Variants in CORO1C observed in about 807,000 individuals in gnomAD.
CORO1C encodes coronin-1C.
In CORO1C, 14 loss-of-function variants were observed where a neutral mutation model predicts 51.2. The ratio of observed to expected loss-of-function variants is 0.27; its 90% confidence interval spans 0.18 to 0.43. The LOEUF (loss-of-function observed/expected upper bound fraction) is 0.43, where lower values mean the gene tolerates loss of function less well. CORO1C is among the 20% of genes least tolerant of loss of function. The probability of loss-of-function intolerance (pLI) is 1.00; values close to 1 mark genes in which losing one functional copy is unlikely to be tolerated. For synonymous variants in CORO1C, 181 were observed against 210.5 expected, an observed-to-expected ratio of 0.86 and a Z score of 1.21; for missense variants, 417 against 607.8, an observed-to-expected ratio of 0.69 and a Z score of 3.30.
intron 2 of CORO1C, among the ~76,000 whole-genome samples, chr12:108,680,152 T>C (rs2034072288): frequency 6.6e-6 from 1 of 152,212 alleles, no homozygotes; most frequent in Non-Finnish European, 1.5e-5. Flanking sequence ...TGGCTAAATG[T>C]GGAGCCCAGT....
At chr12:108,654,647 A>G (rs1200567496) in intron 6 of CORO1C, among the ~76,000 whole-genome samples, 1 of 151,990 alleles carries the variant, frequency 6.6e-6, no homozygotes, top group Non-Finnish European at 1.5e-5. Context: ...CGCATACATC[A>G]GCGTGATTTC....
chr12:108,666,017 G>T (rs534371951), intron 3 of CORO1C, among the ~76,000 whole-genome samples: 26 of 152,346 alleles, frequency 1.7e-4, no homozygotes, highest in African/African-American at 6.3e-4. Flanking sequence ...ATGCTATGCT[G>T]GCATAAGCCG....
At chr12:108,676,345 G>A (rs1165575272) in intron 3 of CORO1C, among the ~76,000 whole-genome samples, 1 of 152,118 alleles carries the variant, frequency 6.6e-6, no homozygotes, top group African/African-American at 2.4e-5. Context: ...TAACTATTTG[G>A]TGTGTTTTTC....
chr12:108,700,057 A>T (rs1391771977), intron 2 of CORO1C, among the ~76,000 whole-genome samples: 1 of 152,188 alleles, frequency 6.6e-6, no homozygotes, highest in African/African-American at 2.4e-5. Context: ...ATGGGAAACA[A>T]CCCTCTGACA....
At chr12:108,681,154 C>T (rs1272912067) in intron 2 of CORO1C, among the ~76,000 whole-genome samples, 1 of 152,162 alleles carries the variant, frequency 6.6e-6, no homozygotes, top group Non-Finnish European at 1.5e-5. Flanking sequence ...GTGTGTGCCA[C>T]CATGCGTGGC....
At chr12:108,689,717 T>G (rs1156732007) in intron 2 of CORO1C, among the ~76,000 whole-genome samples, 1 of 152,232 alleles carries the variant, frequency 6.6e-6, no homozygotes, top group East Asian at 1.9e-4. Flanking sequence ...GTTAAAAGAT[T>G]TCCACATTGT....
At position 108,701,228 on chromosome 12, in the gene CORO1C, G is replaced by A. The variant is rs1592926914; in HGVS notation, c.91C>T (p.Arg31Cys). Residue 31 changes from arginine (R) to cysteine (C), a missense_variant, in exon 2 of 11, where the codon CGT becomes TGT. Arg to Cys is a radical substitution (Grantham distance 180, BLOSUM62 -3). Transcript: ENST00000261401. The part of the protein sequence containing the change: ...DQCYDDIRVS[R>C]VTWDSSFCAV... The stretch of plus-strand genomic sequence containing the variant: ...CAAAAGGAACTATCCCAGGTCACAC[G>A]AGAAACCCGGATGTCATCATAGCAC... 4 of 1,614,150 alleles carry A rather than the reference G, an allele frequency of 2.5e-6. No homozygotes were observed. Among genetic ancestry groups the A allele is most frequent in the Non-Finnish European group, 2.5e-6 (3 of 1,180,032 alleles).
intron 1 of CORO1C, among the ~76,000 whole-genome samples, chr12:108,717,754 G>A (rs1440215990): frequency 6.6e-6 from 1 of 152,158 alleles, no homozygotes. Context: ...CTGTTGACAA[G>A]TAAGGTATCT....
chr12:108,687,153 T>C (rs1333527325), intron 2 of CORO1C, among the ~76,000 whole-genome samples: 1 of 152,244 alleles, frequency 6.6e-6, no homozygotes, highest in Non-Finnish European at 1.5e-5. Context: ...ATGGGCATTT[T>C]GCGGGGAGAA....
intron 2 of CORO1C, among the ~76,000 whole-genome samples, chr12:108,695,500 A>C (rs778937920): frequency 1.1e-4 from 16 of 152,206 alleles, no homozygotes; most frequent in Non-Finnish European, 2.2e-4. Context: ...TAAGTGAATA[A>C]TAATTTTAAT....
intron 1 of CORO1C, among the ~76,000 whole-genome samples, chr12:108,724,326 T>G (rs2035539195): frequency 1.3e-5 from 2 of 152,206 alleles, no homozygotes; most frequent in South Asian, 4.1e-4. Flanking sequence ...AGGTTCACAT[T>G]GTTAAATAAA....
At chr12:108,706,773 A>G (rs1264226609) in intron 1 of CORO1C, among the ~76,000 whole-genome samples, 1 of 152,116 alleles carries the variant, frequency 6.6e-6, no homozygotes, top group Non-Finnish European at 1.5e-5. Context: ...TAGCAGAGAC[A>G]GGGTTTCACT....
chr12:108,703,825 C>T (rs2034949412), intron 1 of CORO1C, among the ~76,000 whole-genome samples: 1 of 152,196 alleles, frequency 6.6e-6, no homozygotes, highest in Non-Finnish European at 1.5e-5. Flanking sequence ...CACTGACAGC[C>T]TGGTTCTATA....
chr12:108,692,861 T>G (rs10861963), intron 2 of CORO1C, among the ~76,000 whole-genome samples: 90,109 of 147,030 alleles, frequency 0.61, 28,250 homozygotes, highest in East Asian at 0.99. Context: ...GCAATGGTGC[T>G]ATCTCAGCTC....
intron 1 of CORO1C, among the ~76,000 whole-genome samples, chr12:108,710,618 GC>G (rs1178638382): frequency 6.6e-6 from 1 of 150,476 alleles, no homozygotes; most frequent in Non-Finnish European, 1.5e-5. Context: ...AGGCTGGAGT[GC>G]AGTGGCACAA....
chr12:108,651,180 T>C (rs2032633326), intron 8 of CORO1C, among the ~76,000 whole-genome samples: 1 of 152,242 alleles, frequency 6.6e-6, no homozygotes, highest in Non-Finnish European at 1.5e-5. Context: ...CTTCCTTTTA[T>C]TTGGAAGACG....
chr12:108,721,362 G>A (rs557703374), intron 1 of CORO1C, among the ~76,000 whole-genome samples: 2 of 152,170 alleles, frequency 1.3e-5, no homozygotes, highest in African/African-American at 4.8e-5. Flanking sequence ...ACACCCTCAG[G>A]CAGGATCTCA....
chr12:108,726,494 C>T (rs943186980), intron 1 of CORO1C, among the ~76,000 whole-genome samples: 1 of 151,398 alleles, frequency 6.6e-6, no homozygotes, highest in Admixed American at 6.6e-5. Flanking sequence ...GTCAGACACC[C>T]CAAGAGAGGA....
rs763324140 is a variant in CORO1C at position 108,678,307 on chromosome 12, C to T, written c.283G>A (p.Val95Ile). 10 of 1,613,456 alleles carry T rather than the reference C, an allele frequency of 6.2e-6. No individual in the cohort carries two copies. The African/African-American group carries it at 9.3e-5, about 15-fold the overall frequency. ...CAGTCCTCTGAACCGCTGGCAATGA[C>T]CTGATCGTTATGTGGGCACCAGTCT... ...DIDWCPHNDQVIASGSEDCTV... is the reference protein window; with the variant it reads ...DIDWCPHNDQIIASGSEDCTV... The change falls in exon 3 of 11, where the codon GTC becomes ATC. Residue 95 changes from valine (V) to isoleucine (I), a missense_variant. Physicochemically the swap from Val to Ile is conservative, Grantham distance 29. Coordinates refer to ENST00000261401, the MANE Select transcript of CORO1C (RefSeq NM_014325.4).
Sources: allele counts gnomAD v4.1 joint callset (sites outside exome capture counted in the v4.1 genomes callset), GRCh38; gene constraint gnomAD v4.1.1; transcripts MANE v1.5; gene names NCBI Gene and HGNC (gene_info 2026-07-23, HGNC 2026-07-21).